Variants in CNKSR3 observed in about 807,000 individuals in gnomAD.
CNKSR3 encodes the protein CNKSR family member 3.
CNKSR3 carries 36 observed loss-of-function variants against 67.7 expected under a neutral mutation model. The observed-to-expected ratio is 0.53, with a 90% CI of 0.41 to 0.70. CNKSR3 has a LOEUF of 0.70. Among genes scored for constraint, CNKSR3 ranks in the 30% least tolerant of loss-of-function variants. The probability of loss-of-function intolerance (pLI) is 0.00; values close to 1 mark genes in which losing one functional copy is unlikely to be tolerated. For missense variants in CNKSR3, 630 were observed against 695.2 expected (o/e 0.91, Z 1.05); for synonymous variants, 281 against 271.4 (o/e 1.04, Z -0.35).
intron 7 of CNKSR3, 116 bp downstream of exon 7, chr6:154,428,012 C>T (rs1414939821): frequency 1.2e-5 from 8 of 688,976 alleles, no homozygotes; most frequent in Middle Eastern, 3.1e-4. Flanking sequence ...AAGCAGGTAC[C>T]CACGCTCTCA....
At chr6:154,414,864 G>A (rs957962960) in intron 9 of CNKSR3, 9 of 464,118 alleles carry the variant, frequency 1.9e-5, no homozygotes, top group African/African-American at 8.0e-5. Flanking sequence ...AGGCCAAGGT[G>A]GACAATGGAT....
chr6:154,407,872 G>GAAAAAA lies in CNKSR3; in HGVS notation c.1370-1226_1370-1221dup, dbSNP rs56406534. On this transcript the variant is annotated intron_variant, in intron 12 of 12. Transcript: ENST00000607772. The stretch of plus-strand genomic sequence containing the variant: ...TAGCCTTTTTCAAATTTTAGAATTT[G>GAAAAAA]AAAAAAAAAAAAAAAAAAAAAAACC... Among the ~76,000 whole-genome samples, 52 of 68,662 alleles carry GAAAAAA rather than the reference G, an allele frequency of 7.6e-4. 5 individuals are homozygous for GAAAAAA. Among genetic ancestry groups the GAAAAAA allele is most frequent in the Non-Finnish European group, 9.3e-4 (36 of 38,810 alleles). The allele number at this position is 68,662 out of a possible 152,430, so 45.0% of individuals were successfully genotyped here.
chr6:154,409,879 A>C (rs1350608758), intron 12 of CNKSR3, among the ~76,000 whole-genome samples: 1 of 144,256 alleles, frequency 6.9e-6, no homozygotes, highest in East Asian at 2.0e-4. Context: ...CTCTGTCTCT[A>C]CCAAAAAAAA....
At chr6:154,497,026 T>C (rs758332011) in intron 1 of CNKSR3, among the ~76,000 whole-genome samples, 1 of 152,052 alleles carries the variant, frequency 6.6e-6, no homozygotes, top group Non-Finnish European at 1.5e-5. Context: ...AAATAAGCAT[T>C]GTGAAGGCGA....
intron 9 of CNKSR3, among the ~76,000 whole-genome samples, chr6:154,422,149 T>C (rs933813446): frequency 1.3e-5 from 2 of 152,030 alleles, no homozygotes; most frequent in African/African-American, 2.4e-5. Context: ...CGCACCACCA[T>C]GCCTGGCTAA....
intron 1 of CNKSR3, among the ~76,000 whole-genome samples, chr6:154,458,251 T>G (rs1786000433): frequency 6.6e-6 from 1 of 152,148 alleles, no homozygotes; most frequent in Admixed American, 6.5e-5. Flanking sequence ...AAAAATAGAC[T>G]CCACCAGTCT....
At chr6:154,407,773 T>C (rs1297193665) in intron 12 of CNKSR3, among the ~76,000 whole-genome samples, 3 of 150,536 alleles carry the variant, frequency 2.0e-5, no homozygotes, top group Non-Finnish European at 4.4e-5. Flanking sequence ...TTTTCAAATT[T>C]TAGAATTTGA....
intron 1 of CNKSR3, among the ~76,000 whole-genome samples, chr6:154,471,294 T>C (rs2114627528): frequency 6.6e-6 from 1 of 152,296 alleles, no homozygotes; most frequent in South Asian, 2.1e-4. Flanking sequence ...AATGCACACT[T>C]TGGGAGGCTG....
intron 1 of CNKSR3, among the ~76,000 whole-genome samples, chr6:154,506,270 A>G (rs1449563633): frequency 3.3e-5 from 5 of 152,330 alleles, no homozygotes; most frequent in Admixed American, 3.3e-4. Context: ...CAAAAAAGGA[A>G]GAAGAAATGA....
rs2128707698 is a variant in CNKSR3, at chr6:154,389,043, T to A, written c.*17311A>T. ...CAAATACTTTCTCCCATTTCATAGG[T>A]TTTCTTTTCACTCTGTTGATTGTTG... On this transcript the variant is annotated 3_prime_UTR_variant, in exon 13 of 13. Coordinates refer to ENST00000607772, the MANE Select transcript of CNKSR3 (RefSeq NM_173515.4). The A allele has an allele frequency of 6.6e-6, 1 of 152,066 alleles. No individual in the cohort carries two copies. The highest frequency in any genetic ancestry group is 6.6e-5 in the Admixed American group (1 of 15,214). The allele number at this position is 152,066 out of a possible 1,614,324, so 9.4% of individuals were successfully genotyped here.
intron 1 of CNKSR3, among the ~76,000 whole-genome samples, chr6:154,499,906 T>C (rs1261252778): frequency 6.6e-6 from 1 of 152,218 alleles, no homozygotes; most frequent in Non-Finnish European, 1.5e-5. Context: ...AAACCATGTG[T>C]CTCCAGGCAT....
In CNKSR3 at chr6:154,388,272, T is replaced by C. The variant is rs1473253648; in HGVS notation, c.*18082A>G. 1 of 152,260 alleles carries C rather than the reference T, an allele frequency of 6.6e-6. No individual in the cohort carries two copies. The highest frequency in any genetic ancestry group is 6.5e-5 in the Admixed American group (1 of 15,286). The allele number at this position is 152,260 out of a possible 1,614,324, so 9.4% of individuals were successfully genotyped here. On this transcript the variant is annotated 3_prime_UTR_variant, in exon 13 of 13. Transcript: ENST00000607772. ...AATTGAATCCTGCCATATTAGTCTT[T>C]CTGTTAATAGTTTATTTCACTTAGC...
chr6:154,488,190 A>C (rs1188086449), intron 1 of CNKSR3, among the ~76,000 whole-genome samples: 2 of 152,320 alleles, frequency 1.3e-5, no homozygotes, highest in East Asian at 3.9e-4. Flanking sequence ...TTACCACCAA[A>C]GATGATAATT....
At chr6:154,481,745 T>C (rs1399711231) in intron 1 of CNKSR3, among the ~76,000 whole-genome samples, 1 of 152,256 alleles carries the variant, frequency 6.6e-6, no homozygotes. Flanking sequence ...AGCAGGTGGC[T>C]GTCACATTAT....
chr6:154,402,990 G>A lies in CNKSR3; in HGVS notation c.*3364C>T, dbSNP rs1028070053. On this transcript the variant is annotated 3_prime_UTR_variant, in exon 13 of 13. Transcript: ENST00000607772. Reference sequence around the variant, plus strand: ...TGTTTCAGTTAGAACGTCACTGATGGGTATGTTTTAGAGGCTAGTTATATT... The same window carrying A: ...TGTTTCAGTTAGAACGTCACTGATGAGTATGTTTTAGAGGCTAGTTATATT... 11 of 151,984 alleles carry A rather than the reference G, an allele frequency of 7.2e-5. No homozygotes were observed. Among genetic ancestry groups the A allele is most frequent in the Non-Finnish European group, 1.2e-4 (8 of 68,002 alleles). 9.4% of individuals were successfully genotyped at this position (151,984 alleles called of 1,614,324 possible). A position where few individuals can be genotyped will look rare whatever the true frequency, so the allele number is the denominator to read the frequency against.
Position 154,411,087 on chromosome 6 carries a change from G to GC in CNKSR3, c.1125dup (p.Pro376AlafsTer4). 6.2e-7 allele frequency: 1 copy of GC among 1,614,052 alleles called. No individual in the cohort carries two copies. Among genetic ancestry groups the GC allele is most frequent in the Non-Finnish European group, 8.5e-7 (1 of 1,179,960 alleles). On this transcript the variant is annotated frameshift_variant, in exon 11 of 13. Coordinates refer to ENST00000607772, the MANE Select transcript of CNKSR3 (RefSeq NM_173515.4). LOFTEE classifies it high-confidence loss of function. Reference sequence around the variant, plus strand: ...GGGGACTCTGAACCCTTAGGACCAGGCAATGGTTGTTTGCACTTACTGGAC... The same window carrying GC: ...GGGGACTCTGAACCCTTAGGACCAGGCCAATGGTTGTTTGCACTTACTGGAC...
intron 7 of CNKSR3, among the ~76,000 whole-genome samples, chr6:154,425,785 T>C (rs535134551): frequency 1.6e-5 from 1 of 62,162 alleles, no homozygotes; most frequent in African/African-American, 7.2e-5. Flanking sequence ...AATATGGACA[T>C]AATTCACTTG....
chr6:154,410,293 G>A (rs749446328), intron 12 of CNKSR3, 50 bp downstream of exon 12: 6 of 1,318,682 alleles, frequency 4.5e-6, no homozygotes, highest in East Asian at 4.6e-5. Flanking sequence ...AGGCCCTGGG[G>A]CTGTTCACTC....
intron 1 of CNKSR3, among the ~76,000 whole-genome samples, chr6:154,482,193 T>C (rs1786580193): frequency 6.6e-6 from 1 of 152,224 alleles, no homozygotes; most frequent in African/African-American, 2.4e-5. Flanking sequence ...CTAAGGGATC[T>C]CAGAGATTGT....
Sources: gnomAD v4.1 joint callset for allele counts (sites outside exome capture counted in the v4.1 genomes callset) on GRCh38, gnomAD v4.1.1 for gene constraint, MANE v1.5 for transcripts, NCBI Gene and HGNC (gene_info 2026-07-23, HGNC 2026-07-21) for gene names.